The following SNX29 variants were observed in gnomAD, a reference collection of about 807,000 sequenced individuals.
SNX29 encodes sorting nexin-29.
SNX29 carries 78 observed loss-of-function variants against 102.1 expected under a neutral mutation model. The observed-to-expected ratio is 0.76, with a 90% confidence interval of 0.64 to 0.92. SNX29 has a LOEUF of 0.92. Among genes scored for constraint, SNX29 ranks in the 40% least tolerant of loss-of-function variants. The probability of loss-of-function intolerance (pLI) is 0.00; values close to 1 mark genes in which losing one functional copy is unlikely to be tolerated. For synonymous variants in SNX29, 580 were observed against 414.5 expected, an observed-to-expected ratio of 1.40 and a Z score of -4.85; for missense variants, 1,280 against 1,061.7, an observed-to-expected ratio of 1.21 and a Z score of -2.86.
chr16:12,144,503 C>CATT (rs2054981412), intron 13 of SNX29, among the ~76,000 whole-genome samples: 3 of 151,926 alleles, frequency 2.0e-5, no homozygotes, highest in African/African-American at 7.3e-5. Context: ...AGGGGAGGTG[C>CATT]GATTCATGCT....
rs559883149 is a variant in SNX29, at chr16:12,498,513, C to G, written c.2178+20654C>G. 2.0e-5 allele frequency among the ~76,000 whole-genome samples: 3 copies of G among 152,284 alleles called. No individual in the cohort carries two copies. In the South Asian group the frequency reaches 6.2e-4, roughly 32 times the overall value. On this transcript the variant is annotated intron_variant, in intron 19 of 20. Coordinates refer to ENST00000566228, the MANE Select transcript of SNX29 (RefSeq NM_032167.5). ...GGCTGCGTGCATATCAAGGAGAACA[C>G]CATTTATTCATCCATTCTGCACATC... is the stretch of plus-strand genomic sequence containing the variant.
intron 3 of SNX29, among the ~76,000 whole-genome samples, chr16:12,017,224 C>T (rs1269753759): frequency 6.6e-6 from 1 of 152,200 alleles, no homozygotes; most frequent in East Asian, 1.9e-4. Context: ...TTTCCCCATG[C>T]TCTTGCTAGC....
chr16:12,135,292 T>G (rs1405226663), intron 13 of SNX29, among the ~76,000 whole-genome samples: 1 of 152,218 alleles, frequency 6.6e-6, no homozygotes, highest in Non-Finnish European at 1.5e-5. Flanking sequence ...TATGCAAAAT[T>G]AACCATCACA....
intron 3 of SNX29, among the ~76,000 whole-genome samples, chr16:12,010,131 C>G (rs1164088421): frequency 1.3e-5 from 2 of 152,200 alleles, no homozygotes; most frequent in African/African-American, 4.8e-5. Flanking sequence ...TGTTATGAGT[C>G]AGTTCATGTG....
chr16:12,558,376 G>A (rs1044141231), intron 20 of SNX29, among the ~76,000 whole-genome samples: 2 of 152,132 alleles, frequency 1.3e-5, no homozygotes, highest in South Asian at 2.1e-4. Context: ...GGTAACCATC[G>A]GAATTTTACA....
Position 12,051,941 on chromosome 16 carries a change from G to T in SNX29, c.843G>T (p.Val281=), listed in dbSNP as rs753720275. 24 of 1,613,762 alleles carry T rather than the reference G, an allele frequency of 1.5e-5. No individual in the cohort carries two copies. The highest frequency in any genetic ancestry group is 2.0e-5 in the Non-Finnish European group (24 of 1,179,830). Residue 281 remains valine (V), a synonymous_variant, in exon 8 of 21, where the codon GTG becomes GTT. Transcript: ENST00000566228. ...AAGATGAGCAGAACTCTGGGGACGT[G>T]TTTAAAAAGACACCTGGGGCAGGGG... is the stretch of plus-strand genomic sequence containing the variant. The part of the protein sequence containing the change: ...DEEDEQNSGD[V]FKKTPGAGES...
intron 19 of SNX29, among the ~76,000 whole-genome samples, chr16:12,484,037 G>A (rs2088104843): frequency 6.6e-6 from 1 of 152,218 alleles, no homozygotes; most frequent in Admixed American, 6.5e-5. Context: ...GATAGTAAGA[G>A]CACAGCTTCA....
At position 11,991,455 on chromosome 16, in the gene SNX29, G is replaced by A. The variant is rs1384136295; in HGVS notation, c.8-7842G>A. Reference sequence around the variant, plus strand: ...GGAGACAGGGGTGCAGGAGGGGCCCGTGGAAGCAAGGCATGGTTTCTATTA... The same window carrying A: ...GGAGACAGGGGTGCAGGAGGGGCCCATGGAAGCAAGGCATGGTTTCTATTA... On this transcript the variant is annotated intron_variant, in intron 1 of 20. Transcript: ENST00000566228. Among the ~76,000 whole-genome samples, 2 of 152,230 alleles carry A rather than the reference G, an allele frequency of 1.3e-5. 1 individual carries two copies.
At chr16:12,489,313 G>GT (rs1442527713) in intron 19 of SNX29, among the ~76,000 whole-genome samples, 2 of 151,894 alleles carry the variant, frequency 1.3e-5, no homozygotes, top group African/African-American at 4.8e-5. Flanking sequence ...AGCCTCTCAA[G>GT]TTGCCACCAG....
At chr16:12,371,769 C>T (rs1361179736) in intron 16 of SNX29, among the ~76,000 whole-genome samples, 1 of 152,180 alleles carries the variant, frequency 6.6e-6, no homozygotes, top group Non-Finnish European at 1.5e-5. Context: ...TGCAATGCAA[C>T]GCAGATATTT....
In SNX29 at chr16:12,538,476, C is replaced by G. The variant is rs140547599; in HGVS notation, c.2318+13635C>G. On this transcript the variant is annotated intron_variant, in intron 20 of 20. Coordinates refer to ENST00000566228, the MANE Select transcript of SNX29 (RefSeq NM_032167.5). ...TTATCACGTATCTCCTATGTTGATG[C>G]TGTGTAACATACATCTATGATACTT... Among the ~76,000 whole-genome samples the G allele has an allele frequency of 7.6e-4, 115 of 152,262 alleles. 1 individual carries two copies. The Middle Eastern group carries it at 0.01, about 14-fold the overall frequency.
intron 16 of SNX29, among the ~76,000 whole-genome samples, chr16:12,363,791 G>A (rs2082373261): frequency 6.6e-6 from 1 of 152,072 alleles, no homozygotes; most frequent in South Asian, 2.1e-4. Context: ...AAATACTTGG[G>A]ACCACAAGTG....
rs536530530 is a variant in SNX29, at chr16:12,057,028, G to C, written c.1125-4500G>C. Reference sequence around the variant, plus strand: ...GGGGTCTCAAGGCATTGCTCAGGTTGGTCTTGATTTCCTGGCCTGAAGTGA... The same window carrying C: ...GGGGTCTCAAGGCATTGCTCAGGTTCGTCTTGATTTCCTGGCCTGAAGTGA... On this transcript the variant is annotated intron_variant, in intron 8 of 20. Coordinates refer to ENST00000566228, the MANE Select transcript of SNX29 (RefSeq NM_032167.5). Among the ~76,000 whole-genome samples, 12 of 152,164 alleles carry C rather than the reference G, an allele frequency of 7.9e-5. No homozygotes were observed. In the South Asian group the frequency reaches 2.3e-3, roughly 29 times the overall value.
In SNX29 at chr16:12,571,546, G is replaced by T. The variant is rs1381365471; in HGVS notation, c.*2917G>T. ...TCCTGGGACCACCCTTTGCTGGGAG[G>T]AAGAATCCACACCGAATCCTTCTGT... On this transcript the variant is annotated 3_prime_UTR_variant, in exon 21 of 21. Transcript: ENST00000566228. The T allele has an allele frequency of 3.1e-6, 3 of 957,710 alleles. No individual in the cohort carries two copies. Among genetic ancestry groups the T allele is most frequent in the Non-Finnish European group, 3.8e-6 (3 of 781,872 alleles). The allele number at this position is 957,710 out of a possible 1,614,324, so 59.3% of individuals were successfully genotyped here.
chr16:12,370,482 C>T (rs2082642865), intron 16 of SNX29, among the ~76,000 whole-genome samples: 1 of 152,138 alleles, frequency 6.6e-6, no homozygotes, highest in Non-Finnish European at 1.5e-5. Context: ...ATTGCTTGAA[C>T]CTGGGAGGTG....
chr16:12,408,505 C>A (rs1464455951), intron 18 of SNX29, among the ~76,000 whole-genome samples: 1 of 152,224 alleles, frequency 6.6e-6, no homozygotes, highest in Non-Finnish European at 1.5e-5. Context: ...GGTCCCAGAA[C>A]CTGCCTCGGG....
intron 14 of SNX29, among the ~76,000 whole-genome samples, chr16:12,253,211 C>A (rs918400937): frequency 2.0e-5 from 3 of 152,290 alleles, no homozygotes; most frequent in Non-Finnish European, 2.9e-5. Context: ...CTGTTGGTGA[C>A]CATGCATTCG....
At chr16:12,062,431 G>A (rs1422186513) in intron 9 of SNX29, among the ~76,000 whole-genome samples, 2 of 146,914 alleles carry the variant, frequency 1.4e-5, no homozygotes, top group African/African-American at 5.1e-5. Context: ...TATGTCTCTG[G>A]TATGGGTAAG....
rs569726955 is a variant in SNX29, at chr16:12,204,672, G to T, written c.1678+4989G>T. 1.4e-4 allele frequency among the ~76,000 whole-genome samples: 21 copies of T among 152,346 alleles called. No individual in the cohort carries two copies. The South Asian group carries it at 4.1e-3, about 30-fold the overall frequency. ...GAGTGGGAGGAACTTGACAGATGAG[G>T]GAGGCTTGGGAGCAATTTAAAAAGT... On this transcript the variant is annotated intron_variant, in intron 14 of 20. Transcript: ENST00000566228.
Sources: allele counts gnomAD v4.1 joint callset (sites outside exome capture counted in the v4.1 genomes callset), GRCh38; gene constraint gnomAD v4.1.1; transcripts MANE v1.5; gene names NCBI Gene and HGNC (gene_info 2026-07-23, HGNC 2026-07-21).